Variants in METTL15 observed in about 807,000 individuals in gnomAD.
METTL15 encodes 12S rRNA N(4)-cytidine methyltransferase METTL15.
METTL15 carries 34 observed loss-of-function variants against 38.3 expected under a neutral mutation model. The ratio of observed to expected loss-of-function variants is 0.89; its 90% CI spans 0.68 to 1.18. The LOEUF is 1.18. METTL15 is among the 50% of genes most tolerant of loss of function. METTL15 has a pLI of 0.00. For missense variants in METTL15, 438 were observed against 498.4 expected (o/e 0.88, Z 1.15); for synonymous variants, 162 against 170.9 (o/e 0.95, Z 0.41).
At chr11:28,269,204 G>A (rs1052740527) in intron 4 of METTL15, among the ~76,000 whole-genome samples, 14 of 152,020 alleles carry the variant, frequency 9.2e-5, no homozygotes, top group Admixed American at 6.6e-4. Context: ...AACCATTAGC[G>A]ATGCATTACC....
chr11:28,434,033 TC>T (rs1850959875), intron 6 of METTL15, among the ~76,000 whole-genome samples: 1 of 152,182 alleles, frequency 6.6e-6, no homozygotes, highest in Admixed American at 6.5e-5. Context: ...TTTGGCTGTT[TC>T]CCCACCCAAA....
At chr11:28,463,503 A>T (rs1851232531) in intron 6 of METTL15, among the ~76,000 whole-genome samples, 1 of 152,200 alleles carries the variant, frequency 6.6e-6, no homozygotes, top group African/African-American at 2.4e-5. Context: ...GGACATGCTG[A>T]TAACTGCTTA....
chr11:28,352,949 G>C (rs1850054928), intron 4 of METTL15, among the ~76,000 whole-genome samples: 3 of 152,224 alleles, frequency 2.0e-5, no homozygotes, highest in Admixed American at 2.0e-4. Flanking sequence ...AAAGGTTAAA[G>C]TGTTAAGAGA....
At chr11:28,143,587 C>A (rs1047425962) in intron 3 of METTL15, among the ~76,000 whole-genome samples, 4 of 152,094 alleles carry the variant, frequency 2.6e-5, no homozygotes, top group Non-Finnish European at 5.9e-5. Context: ...CCTATTTTGA[C>A]AACATAGGAC....
At chr11:28,278,324 T>C (rs1855919910) in intron 4 of METTL15, among the ~76,000 whole-genome samples, 1 of 152,174 alleles carries the variant, frequency 6.6e-6, no homozygotes, top group Admixed American at 6.5e-5. Context: ...AAGAATAAAA[T>C]TAAATGTTAA....
intron 3 of METTL15, among the ~76,000 whole-genome samples, chr11:28,141,497 A>G (rs1384826711): frequency 6.6e-6 from 1 of 152,078 alleles, no homozygotes; most frequent in Admixed American, 6.6e-5. Flanking sequence ...AGCCTTGGCA[A>G]CATAGTGAAA....
intron 5 of METTL15, among the ~76,000 whole-genome samples, chr11:28,388,721 T>C (rs1037546156): frequency 6.6e-6 from 1 of 152,178 alleles, no homozygotes; most frequent in African/African-American, 2.4e-5. Flanking sequence ...AGGGGACATA[T>C]GCACAACGTG....
chr11:28,479,637 T>TAGTG (rs764113448), intron 6 of METTL15, among the ~76,000 whole-genome samples: 31 of 152,166 alleles, frequency 2.0e-4, no homozygotes, highest in Non-Finnish European at 4.1e-4. Flanking sequence ...CAGCCTCAAA[T>TAGTG]AGTGATAAAT....
At chr11:28,128,742 A>T (rs1033052882) in intron 3 of METTL15, among the ~76,000 whole-genome samples, 2 of 152,180 alleles carry the variant, frequency 1.3e-5, no homozygotes, top group Non-Finnish European at 2.9e-5. Context: ...ACTAAATTCT[A>T]TAAAATGAAT....
intron 1 of METTL15, among the ~76,000 whole-genome samples, chr11:28,109,489 T>C (rs935596337): frequency 1.3e-5 from 2 of 152,192 alleles, no homozygotes; most frequent in African/African-American, 4.8e-5. Context: ...ATTATTTTCA[T>C]TTTTCTGAGA....
intron 4 of METTL15, among the ~76,000 whole-genome samples, chr11:28,244,645 C>G (rs1392236739): frequency 2.0e-5 from 3 of 152,128 alleles, no homozygotes; most frequent in Admixed American, 2.0e-4. Context: ...ATCTATTATC[C>G]AAACCTTATA....
chr11:28,391,676 C>G (rs912776714), intron 5 of METTL15, among the ~76,000 whole-genome samples: 1 of 152,096 alleles, frequency 6.6e-6, no homozygotes, highest in Non-Finnish European at 1.5e-5. Flanking sequence ...CTACAACTAT[C>G]TGATCTTTGG....
At chr11:28,372,656 A>G (rs1336581022) in intron 5 of METTL15, among the ~76,000 whole-genome samples, 2 of 150,728 alleles carry the variant, frequency 1.3e-5, no homozygotes, top group Non-Finnish European at 3.0e-5. Flanking sequence ...TTTAGGGTAC[A>G]TGTGCACATT....
chr11:28,328,273 G>A (rs1849702988), intron 6 of METTL15: 2 of 1,076,128 alleles, frequency 1.9e-6, no homozygotes, highest in East Asian at 2.7e-5. Context: ...CAGACTTTTG[G>A]CAAAGTAATT....
intron 6 of METTL15, among the ~76,000 whole-genome samples, chr11:28,318,727 CA>C (rs1849356580): frequency 6.6e-6 from 1 of 152,066 alleles, no homozygotes; most frequent in Non-Finnish European, 1.5e-5. Context: ...GAATATTAAG[CA>C]CTCATTTTTC....
Position 28,500,188 on chromosome 11 carries a change from A to G in METTL15, c.*425-26290A>G, listed in dbSNP as rs1851570942. 2.0e-5 allele frequency among the ~76,000 whole-genome samples: 3 copies of G among 152,276 alleles called. No individual in the cohort carries two copies. In the South Asian group the frequency reaches 6.2e-4, roughly 32 times the overall value. ...AATGGTGGGCTCAGGATTCACATCC[A>G]GGGCTGTACTACCTGGAGACTGTCC... On this transcript the variant is annotated intron_variant and NMD_transcript_variant, in intron 6 of 7. Transcript: ENST00000532947.
intron 4 of METTL15, among the ~76,000 whole-genome samples, chr11:28,211,498 C>G (rs931720474): frequency 4.6e-5 from 7 of 151,822 alleles, no homozygotes; most frequent in African/African-American, 1.7e-4. Context: ...AACTCATAGT[C>G]AAAAAATAAT....
At chr11:28,464,436 G>A (rs1239559672) in intron 6 of METTL15, among the ~76,000 whole-genome samples, 1 of 152,144 alleles carries the variant, frequency 6.6e-6, no homozygotes, top group Non-Finnish European at 1.5e-5. Flanking sequence ...GTAAACAAAT[G>A]AGTGTGGTTG....
chr11:28,490,737 A>T (rs541301999), intron 6 of METTL15, among the ~76,000 whole-genome samples: 2 of 152,260 alleles, frequency 1.3e-5, no homozygotes, highest in South Asian at 4.1e-4. Context: ...CATTGAAGAA[A>T]ATTACAGGAG....
Sources: allele counts gnomAD v4.1 joint callset (sites outside exome capture counted in the v4.1 genomes callset), GRCh38; gene constraint gnomAD v4.1.1; transcripts MANE v1.5; gene names NCBI Gene and HGNC (gene_info 2026-07-23, HGNC 2026-07-21).